MERTK: variants seen among roughly 807,000 people sequenced by gnomAD.
MERTK encodes MER proto-oncogene, tyrosine kinase.
Under a neutral mutation model 99.3 loss-of-function variants are expected in MERTK, and 69 were observed. The observed-to-expected ratio is 0.70, with a 90% confidence interval of 0.57 to 0.85. The LOEUF (loss-of-function observed/expected upper bound fraction) is 0.85, where lower values mean the gene tolerates loss of function less well. Among genes scored for constraint, MERTK ranks in the 40% least tolerant of loss-of-function variants. The pLI, the probability that MERTK is intolerant of heterozygous loss-of-function variation, is 0.00. For missense variants in MERTK, 1,125 were observed against 1,249.4 expected (o/e 0.90, Z 1.50); for synonymous variants, 426 against 467.6 (o/e 0.91, Z 1.15).
At chr2:112,026,143 T>C (rs1677455902) in intron 18 of MERTK, 2 of 154,488 alleles carry the variant, frequency 1.3e-5, no homozygotes, top group South Asian at 4.1e-4. Flanking sequence ...GGGGGCTTCT[T>C]GTTAATCTTC....
rs1676392770 is a variant in MERTK, at chr2:111,982,521, C to T, written c.1145-321C>T. Among the ~76,000 whole-genome samples, 5 of 152,294 alleles carry T rather than the reference C, an allele frequency of 3.3e-5. No individual in the cohort carries two copies. The South Asian group carries it at 1.0e-3, about 32-fold the overall frequency. Reference sequence around the variant, plus strand: ...CCTGTCTCCTGAGGGACTGGAACTACAGATGTGCACCAAGTAGTCAGCTAA... The same window carrying T: ...CCTGTCTCCTGAGGGACTGGAACTATAGATGTGCACCAAGTAGTCAGCTAA... On this transcript the variant is annotated intron_variant, in intron 7 of 18. Coordinates refer to ENST00000295408, the MANE Select transcript of MERTK (RefSeq NM_006343.3).
Position 111,994,483 on chromosome 2 carries a change from G to A in MERTK, c.1450+79G>A, listed in dbSNP as rs1426957697. 5.8e-6 allele frequency: 9 copies of A among 1,555,608 alleles called. No homozygotes were observed. The East Asian group carries it at 1.3e-4, about 23-fold the overall frequency. ...CAGATTGCCAGAAAGTAACCTGGGG[G>A]ATGGATGGCTGATTAAAGAATGAAA... On this transcript the variant is annotated intron_variant, in intron 9 of 18. Coordinates refer to ENST00000295408, the MANE Select transcript of MERTK (RefSeq NM_006343.3).
In MERTK at chr2:111,965,171, T is replaced by C. The variant is rs148731457; in HGVS notation, c.758-20T>C. The C allele has an allele frequency of 1.2e-6, 2 of 1,609,528 alleles. No homozygotes were observed. Among genetic ancestry groups the C allele is most frequent in the African/African-American group, 2.7e-5 (2 of 74,966 alleles). ...GCCTGTTTCTCTGCTGCTGGTCTCA[T>C]GAGTCTCCTTCCATTCCAGGCCTGA... On this transcript the variant is annotated intron_variant, in intron 4 of 18. Transcript: ENST00000295408.
chr2:111,920,234 C>T (rs183956338), intron 1 of MERTK, among the ~76,000 whole-genome samples: 34 of 152,302 alleles, frequency 2.2e-4, no homozygotes, highest in Admixed American at 6.5e-4. Context: ...TTCCTTCCAC[C>T]GTGCAGGCAT....
At chr2:111,975,158 G>T in intron 6 of MERTK, 131 bp from the exon 7 acceptor site, 8 of 855,634 alleles carry the variant, frequency 9.3e-6, no homozygotes, top group South Asian at 8.0e-5. Flanking sequence ...ATGTGTGTGT[G>T]CCCAGAAAGG....
chr2:111,914,193 C>T (rs1684306218), intron 1 of MERTK, among the ~76,000 whole-genome samples: 1 of 150,838 alleles, frequency 6.6e-6, no homozygotes, highest in African/African-American at 2.4e-5. Context: ...CAACCTCTGC[C>T]TCCCAGGTTC....
intron 4 of MERTK, among the ~76,000 whole-genome samples, chr2:111,951,318 C>G (rs75413899): frequency 0.037 from 5,533 of 151,554 alleles, 134 homozygotes; most frequent in Non-Finnish European, 0.057. Context: ...AAGTCCTCAC[C>G]CACCTCCACC....
chr2:111,975,423 A>C lies in MERTK; in HGVS notation c.1095A>C (p.Ile365=), dbSNP rs748733403. The C allele has an allele frequency of 6.2e-7, 1 of 1,614,190 alleles. No individual in the cohort carries two copies. The highest frequency in any genetic ancestry group is 8.5e-7 in the Non-Finnish European group (1 of 1,180,026). The change falls in exon 7 of 19, where the codon ATA becomes ATC. Residue 365 remains isoleucine (I), a synonymous_variant. Transcript: ENST00000295408. ...YSIGVSCMNE[I]GWSAVSPWIL... ...TTGGTGTTTCCTGCATGAATGAAAT[A>C]GGCTGGTCTGCAGTGAGCCCTTGGA...
At chr2:111,932,140 C>T (rs1684683713) in intron 2 of MERTK, among the ~76,000 whole-genome samples, 1 of 152,166 alleles carries the variant, frequency 6.6e-6, no homozygotes, top group Admixed American at 6.5e-5. Context: ...GACCTCCAAA[C>T]TAAGCCTGAA....
At chr2:111,976,896 A>G (rs1676264561) in intron 7 of MERTK, among the ~76,000 whole-genome samples, 1 of 152,040 alleles carries the variant, frequency 6.6e-6, no homozygotes, top group Non-Finnish European at 1.5e-5. Flanking sequence ...TATTTAACTT[A>G]TCACAGTGTA....
intron 7 of MERTK, among the ~76,000 whole-genome samples, chr2:111,976,522 CTGTGTG>C (rs70962971): frequency 0.041 from 5,649 of 136,734 alleles, 148 homozygotes; most frequent in African/African-American, 0.064. Context: ...TGACAAAAAC[CTGTGTG>C]TGTGTGTGTG....
intron 15 of MERTK, chr2:112,015,750 CT>C (rs1271257302): frequency 7.8e-5 from 12 of 153,722 alleles, no homozygotes; most frequent in African/African-American, 2.7e-4. Context: ...TGCCTAACCC[CT>C]AGTAAAAAGA....
rs543721263 is a variant in MERTK, at chr2:111,997,500, T to C, written c.1604+24T>C. Reference sequence around the variant, plus strand: ...GGGTAAGTCTCCCAGCTAAAAATGTTTGCCCACTGGTATTGACAAGGTTGT... The same window carrying C: ...GGGTAAGTCTCCCAGCTAAAAATGTCTGCCCACTGGTATTGACAAGGTTGT... On this transcript the variant is annotated intron_variant, in intron 10 of 18. Transcript: ENST00000295408. 4 of 1,611,382 alleles carry C rather than the reference T, an allele frequency of 2.5e-6. No individual in the cohort carries two copies. The African/African-American group carries it at 5.3e-5, about 21-fold the overall frequency.
chr2:111,945,674 C>G (rs1279228241), intron 3 of MERTK, among the ~76,000 whole-genome samples: 2 of 152,252 alleles, frequency 1.3e-5, no homozygotes, highest in Non-Finnish European at 2.9e-5. Context: ...GGAACTTGAA[C>G]TCTAATGGGC....
At chr2:111,900,727 TTACC>T (rs2104655007) in intron 1 of MERTK, among the ~76,000 whole-genome samples, 1 of 152,326 alleles carries the variant, frequency 6.6e-6, no homozygotes, top group East Asian at 1.9e-4. Context: ...GTTTTGAACT[TTACC>T]TATGAGATGT....
intron 4 of MERTK, among the ~76,000 whole-genome samples, chr2:111,964,609 G>A (rs1322375593): frequency 6.6e-6 from 1 of 152,140 alleles, no homozygotes; most frequent in African/African-American, 2.4e-5. Context: ...TTTTAAAGAT[G>A]TCTTCAAACC....
chr2:111,915,995 A>G (rs1361476368), intron 1 of MERTK, among the ~76,000 whole-genome samples: 1 of 152,264 alleles, frequency 6.6e-6, no homozygotes, highest in Admixed American at 6.5e-5. Context: ...ATTAGAGAAC[A>G]TAGACTATAT....
intron 2 of MERTK, among the ~76,000 whole-genome samples, chr2:111,935,184 T>G (rs1209769628): frequency 6.6e-6 from 1 of 152,198 alleles, no homozygotes; most frequent in African/African-American, 2.4e-5. Flanking sequence ...AAAATGGCCA[T>G]CCTTGCACAT....
At position 112,022,337 on chromosome 2, in the gene MERTK, A is replaced by G; in HGVS notation, c.2429A>G (p.Tyr810Cys). 5.0e-6 allele frequency: 8 copies of G among 1,614,208 alleles called. No homozygotes were observed. Among genetic ancestry groups the G allele is most frequent in the Non-Finnish European group, 5.9e-6 (7 of 1,180,038 alleles). Residue 810 changes from tyrosine to cysteine, a missense_variant, in exon 18 of 19, where the codon TAT becomes TGT. Tyr to Cys is a radical substitution (Grantham distance 194). Transcript: ENST00000295408. ...CCTGGGGTCCAGAACCATGAGATGT[A>G]TGACTATCTTCTCCATGGCCACAGG... ...PYPGVQNHEMYDYLLHGHRLK... is the reference protein window; with the variant it reads ...PYPGVQNHEMCDYLLHGHRLK...
Sources: allele counts gnomAD v4.1 joint callset (sites outside exome capture counted in the v4.1 genomes callset), GRCh38; gene constraint gnomAD v4.1.1; transcripts MANE v1.5; gene names NCBI Gene and HGNC (gene_info 2026-07-23, HGNC 2026-07-21).